The following TMEM63A variants were observed in gnomAD, a reference collection of about 807,000 sequenced individuals.
The protein encoded by TMEM63A is mechanosensitive cation channel TMEM63A.
TMEM63A carries 76 observed loss-of-function variants against 100.6 expected under a neutral mutation model. That is an observed-to-expected ratio of 0.76 (90% confidence interval 0.63 to 0.91). TMEM63A has a LOEUF of 0.91. TMEM63A is among the 40% of genes least tolerant of loss of function. The pLI, the probability that TMEM63A is intolerant of heterozygous loss-of-function variation, is 0.00. For missense variants in TMEM63A, 876 were observed against 1,008.8 expected, an observed-to-expected ratio of 0.87 and a Z score of 1.78; for synonymous variants, 401 against 401.1, an observed-to-expected ratio of 1.00 and a Z score of 0.00.
chr1:225,862,318 C>T lies in TMEM63A; in HGVS notation c.985G>A (p.Asp329Asn). 6.2e-7 allele frequency: 1 copy of T among 1,614,218 alleles called. No individual in the cohort carries two copies. Among genetic ancestry groups the T allele is most frequent in the African/African-American group, 1.3e-5 (1 of 75,042 alleles). Residue 329 changes from aspartate to asparagine, a missense_variant, in exon 13 of 25, where the codon GAC becomes AAC. Around this residue, in one of 5 missense-constraint regions of TMEM63A, gnomAD observed 487 missense variants for 581.9 expected, o/e 0.84. Transcript: ENST00000366835. This position sits in a 1 kb window ranked among gnomAD's most constrained non-coding sequence, Gnocchi z 5.1. ...DAISYYTRMK[D>N]RLLERITEEE... ...TCTGTGATCCTCTCCAGCAGCCTGT[C>T]CTTCATCCGTGTGTAGTAAGAGATG... is the stretch of plus-strand genomic sequence containing the variant.
rs1275691433 is a variant in TMEM63A at position 225,847,084 on chromosome 1, G to T, written c.2380C>A (p.Gln794Lys). 6.2e-7 allele frequency: 1 copy of T among 1,613,616 alleles called. No homozygotes were observed. The highest frequency in any genetic ancestry group is 1.1e-5 in the South Asian group (1 of 91,064). The change falls in exon 24 of 25, where the codon CAG becomes AAG. Residue 794 changes from glutamine (Q) to lysine (K), a missense_variant. Gln to Lys is a moderately conservative substitution (Grantham distance 53). Around this residue, in one of 5 missense-constraint regions of TMEM63A, gnomAD observed 339 missense variants for 342.3 expected, o/e 0.99. Transcript: ENST00000366835. Reference sequence around the variant, plus strand: ...GCAGCCACACTGCCCGTGGCGCTCTGCGCCAAGCACTGTCCAGGGATAGTC... The same window carrying T: ...GCAGCCACACTGCCCGTGGCGCTCTTCGCCAAGCACTGTCCAGGGATAGTC... ...SGTIPGQCLA[Q>K]SATGSVAAAP...
chr1:225,863,753 C>G (rs1670059739), intron 10 of TMEM63A, among the ~76,000 whole-genome samples: 1 of 151,712 alleles, frequency 6.6e-6, no homozygotes, highest in Non-Finnish European at 1.5e-5. Context: ...GCTGTCTCTA[C>G]TAAAAATACA....
rs576131881 is a variant in TMEM63A, at chr1:225,872,131, T to C, written c.267-78A>G. On this transcript the variant is annotated intron_variant, in intron 4 of 24. Coordinates refer to ENST00000366835, the MANE Select transcript of TMEM63A (RefSeq NM_014698.3). ...AGCCAAACAAGTCAAAAAGATCACA[T>C]CCAGTATTTTGCTGCCTCTTGGAGC... is the stretch of plus-strand genomic sequence containing the variant. The C allele has an allele frequency of 3.4e-5, 39 of 1,137,712 alleles. No homozygotes were observed. In the African/African-American group the frequency reaches 4.9e-4, roughly 14 times the overall value. The allele number at this position is 1,137,712 out of a possible 1,614,324, so 70.5% of individuals were successfully genotyped here.
In TMEM63A at chr1:225,867,797, C is replaced by T; in HGVS notation, c.514+91G>A. On this transcript the variant is annotated intron_variant, in intron 7 of 24. Coordinates refer to ENST00000366835, the MANE Select transcript of TMEM63A (RefSeq NM_014698.3). The surrounding 1 kb of genome is among the most constrained non-coding windows in gnomAD (Gnocchi z 4.6). ...CTTACATCTGAAGTGGGGCATGACT[C>T]CTGGGGTTCTGGTCTACCACAGTGA... is the stretch of plus-strand genomic sequence containing the variant. The T allele has an allele frequency of 1.3e-6, 2 of 1,529,184 alleles. No homozygotes were observed. Among genetic ancestry groups the T allele is most frequent in the Non-Finnish European group, 1.8e-6 (2 of 1,122,406 alleles). 94.7% of individuals were successfully genotyped at this position (1,529,184 alleles called of 1,614,324 possible). A position where few individuals can be genotyped will look rare whatever the true frequency, so the allele number is the denominator to read the frequency against.
intron 2 of TMEM63A, among the ~76,000 whole-genome samples, chr1:225,878,885 T>TACCTACCTACACACACAC (rs1491107467): frequency 7.2e-6 from 1 of 139,520 alleles, no homozygotes; most frequent in African/African-American, 2.7e-5. Context: ...CCTACCTACC[T>TACCTACCTACACACACAC]ACACACACAC....
At position 225,852,780 on chromosome 1, in the gene TMEM63A, G is replaced by T; in HGVS notation, c.1798-11C>A. On this transcript the variant is annotated splice_polypyrimidine_tract_variant and intron_variant, in intron 19 of 24. Coordinates refer to ENST00000366835, the MANE Select transcript of TMEM63A (RefSeq NM_014698.3). ...CTGGAAGGCCTGGTTCTGGGAGGAG[G>T]AGGTGGTGAGGAGCTCATGGACTTG... 6.2e-7 allele frequency: 1 copy of T among 1,612,212 alleles called. No individual in the cohort carries two copies. Among genetic ancestry groups the T allele is most frequent in the Non-Finnish European group, 8.5e-7 (1 of 1,178,476 alleles).
rs777063108 is a variant in TMEM63A at position 225,868,024 on chromosome 1, G to A, written c.378C>T (p.Asp126=). 3.7e-6 allele frequency: 6 copies of A among 1,614,042 alleles called. No homozygotes were observed. The Admixed American group carries it at 6.7e-5, about 18-fold the overall frequency. Residue 126 remains aspartate (D), a synonymous_variant, in exon 7 of 25, where the codon GAC becomes GAT. Coordinates refer to ENST00000366835, the MANE Select transcript of TMEM63A (RefSeq NM_014698.3). ...WLTAIFRLHD[D]QILEWCGEDA... Reference sequence around the variant, plus strand: ...CCTCCCCACACCATTCCAGGATCTGGTCATCACTGGCCAAGACACAGAGGA... The same window carrying A: ...CCTCCCCACACCATTCCAGGATCTGATCATCACTGGCCAAGACACAGAGGA...
chr1:225,845,435 G>C, downstream of TMEM63A: 1 of 1,396,808 alleles, frequency 7.2e-7, no homozygotes, highest in Non-Finnish European at 9.7e-7. Flanking sequence ...TGAGGAATGA[G>C]TTTGCCTCCG....
intron 5 of TMEM63A, 37 bp from the exon 6 acceptor site, chr1:225,871,150 T>C (rs2102638387): frequency 6.2e-7 from 1 of 1,607,556 alleles, no homozygotes. Flanking sequence ...CTTCCAACAT[T>C]TGTGTCTTTG....
chr1:225,847,215 T>TG lies in TMEM63A; in HGVS notation c.2251-3dup, dbSNP rs1219737706. The TG allele has an allele frequency of 1.9e-6, 3 of 1,612,214 alleles. No individual in the cohort carries two copies. The highest frequency in any genetic ancestry group is 2.5e-6 in the Non-Finnish European group (3 of 1,179,178). ...GTTCAGAATCCGAGGCACGTAGGGC[T>TG]GTCAGCAAATGGATTTGTGCTTGGC... On this transcript the variant is annotated splice_polypyrimidine_tract_variant and splice_region_variant and intron_variant, in intron 23 of 24. Coordinates refer to ENST00000366835, the MANE Select transcript of TMEM63A (RefSeq NM_014698.3).
Position 225,852,656 on chromosome 1 carries a change from C to T in TMEM63A, c.1903+8G>A. The T allele has an allele frequency of 6.2e-7, 1 of 1,611,636 alleles. No homozygotes were observed. The highest frequency in any genetic ancestry group is 8.5e-7 in the Non-Finnish European group (1 of 1,179,248). ...ATGTACCCTGGGACAGGCTCCAGGG[C>T]CACTCACCAAATGGCGCGATGATGG... On this transcript the variant is annotated splice_region_variant and intron_variant, in intron 20 of 24. Coordinates refer to ENST00000366835, the MANE Select transcript of TMEM63A (RefSeq NM_014698.3).
intron 21 of TMEM63A, among the ~76,000 whole-genome samples, chr1:225,849,644 C>T (rs2102815158): frequency 6.6e-6 from 1 of 152,338 alleles, no homozygotes; most frequent in African/African-American, 2.4e-5. Context: ...CAACACCACA[C>T]CCAACCAGCC....
chr1:225,867,751 T>G lies in TMEM63A; in HGVS notation c.514+137A>C. On this transcript the variant is annotated intron_variant, in intron 7 of 24. Coordinates refer to ENST00000366835, the MANE Select transcript of TMEM63A (RefSeq NM_014698.3). This position sits in a 1 kb window ranked among gnomAD's most constrained non-coding sequence, Gnocchi z 4.6. ...CAGATCTTTAATCAGATAGAAATGT[T>G]CAGAGTCACCCTGAGACCATCTTAC... The G allele has an allele frequency of 8.2e-7, 1 of 1,223,542 alleles. No homozygotes were observed. Among genetic ancestry groups the G allele is most frequent in the Non-Finnish European group, 1.1e-6 (1 of 895,792 alleles). 75.8% of individuals were successfully genotyped at this position (1,223,542 alleles called of 1,614,324 possible).
rs1442295674 is a variant in TMEM63A at position 225,862,948 on chromosome 1, A to C, written c.747-97T>G. 8.7e-7 allele frequency: 1 copy of C among 1,151,284 alleles called. No individual in the cohort carries two copies. The highest frequency in any genetic ancestry group is 1.5e-5 in the African/African-American group (1 of 65,108). The allele number at this position is 1,151,284 out of a possible 1,614,324, so 71.3% of individuals were successfully genotyped here. A position where few individuals can be genotyped will look rare whatever the true frequency, so the allele number is the denominator to read the frequency against. Reference sequence around the variant, plus strand: ...ACGGATCCAAGGGAAAGGATGGCAGAGTGATCTCGCTGCTGGTTTCTGTGC... The same window carrying C: ...ACGGATCCAAGGGAAAGGATGGCAGCGTGATCTCGCTGCTGGTTTCTGTGC... On this transcript the variant is annotated intron_variant, in intron 10 of 24. Coordinates refer to ENST00000366835, the MANE Select transcript of TMEM63A (RefSeq NM_014698.3). The surrounding 1 kb of genome is among the most constrained non-coding windows in gnomAD (Gnocchi z 5.1).
Position 225,858,001 on chromosome 1 carries a change from TCA to T in TMEM63A, c.1378-986_1378-985del, listed in dbSNP as rs201476609. Among the ~76,000 whole-genome samples, 1,135 of 152,330 alleles carry T rather than the reference TCA, an allele frequency of 7.5e-3. 5 individuals carry two copies. Among genetic ancestry groups the T allele is most frequent in the Non-Finnish European group, 0.011 (765 of 68,040 alleles). On this transcript the variant is annotated intron_variant, in intron 15 of 24. Transcript: ENST00000366835. ...CTCATTGATTATCATGACAACAGCC[TCA>T]CGCCCTGTATAATAGTGCAGGTGTT...
chr1:225,859,068 G>T, intron 15 of TMEM63A, 128 bp downstream of exon 15: 1 of 1,358,472 alleles, frequency 7.4e-7, no homozygotes, highest in Middle Eastern at 2.6e-4. Flanking sequence ...AAGGATGTGA[G>T]CTGAGCAACA....
intron 10 of TMEM63A, chr1:225,864,514 G>A (rs1240926447): frequency 6.6e-6 from 1 of 152,218 alleles, no homozygotes; most frequent in Non-Finnish European, 1.5e-5. Context: ...GTATGAGAAT[G>A]AGGAGACTTT....
downstream of TMEM63A, chr1:225,844,996 G>GCGGTTGAGAC (rs1341468931): frequency 2.7e-5 from 23 of 867,338 alleles, no homozygotes; most frequent in South Asian, 7.2e-5. Flanking sequence ...TGAGGGGAGA[G>GCGGTTGAGAC]CGGTTGAGAC....
intron 9 of TMEM63A, chr1:225,866,287 A>G: frequency 2.0e-6 from 1 of 511,858 alleles, no homozygotes; most frequent in Non-Finnish European, 3.5e-6. Flanking sequence ...CAAGCCACAG[A>G]AGCTCCCCTC....
Sources: allele counts gnomAD v4.1 joint callset (sites outside exome capture counted in the v4.1 genomes callset), GRCh38; gene constraint gnomAD v4.1.1; regional missense constraint gnomAD v4.1.1; non-coding constraint Gnocchi (gnomAD v3.1); transcripts MANE v1.5; gene names NCBI Gene and HGNC (gene_info 2026-07-23, HGNC 2026-07-21).